The following GPC5 variants were observed in gnomAD, a reference collection of about 807,000 sequenced individuals.
GPC5 encodes glypican 5, also known as glypican-5.
A neutral mutation model predicts 53.9 loss-of-function variants in GPC5; 47 were observed. The ratio of observed to expected loss-of-function variants is 0.87; its 90% CI spans 0.69 to 1.11. The LOEUF (loss-of-function observed/expected upper bound fraction) is 1.11. GPC5 is among the 50% of genes most tolerant of loss of function. The pLI is 0.00. For missense variants in GPC5, 748 were observed against 713.1 expected (o/e 1.05, Z -0.56); for synonymous variants, 286 against 263.3 (o/e 1.09, Z -0.84).
At chr13:92,207,798 G>A (rs1199152437) in intron 7 of GPC5, among the ~76,000 whole-genome samples, 1 of 152,146 alleles carries the variant, frequency 6.6e-6, no homozygotes, top group African/African-American at 2.4e-5. Context: ...ACTGTGAATT[G>A]GTTGTCCAAG....
intron 6 of GPC5, among the ~76,000 whole-genome samples, chr13:92,142,694 G>A (rs909145435): frequency 6.6e-5 from 10 of 152,210 alleles, no homozygotes; most frequent in African/African-American, 1.4e-4. Flanking sequence ...TTACCTGGCT[G>A]GATCCTCATA....
chr13:91,683,381 T>G (rs560761056), intron 2 of GPC5, among the ~76,000 whole-genome samples: 2 of 152,184 alleles, frequency 1.3e-5, no homozygotes, highest in Non-Finnish European at 2.9e-5. Flanking sequence ...GAAGGCATAC[T>G]TTTCTGTTAT....
intron 5 of GPC5, among the ~76,000 whole-genome samples, chr13:91,897,223 T>G (rs780006279): frequency 6.6e-6 from 1 of 152,126 alleles, no homozygotes; most frequent in Non-Finnish European, 1.5e-5. Context: ...ACTACAGGGT[T>G]GTTTTCATTA....
intron 6 of GPC5, among the ~76,000 whole-genome samples, chr13:91,929,206 C>G (rs1409808020): frequency 6.6e-6 from 1 of 151,988 alleles, no homozygotes; most frequent in African/African-American, 2.4e-5. Flanking sequence ...GTACATATTT[C>G]TAAAACATTC....
chr13:92,116,985 G>C (rs992877134), intron 6 of GPC5, among the ~76,000 whole-genome samples: 1 of 151,994 alleles, frequency 6.6e-6, no homozygotes, highest in African/African-American at 2.4e-5. Flanking sequence ...TCTAGTTTAT[G>C]GGTTGTCTAT....
chr13:92,710,161 A>G (rs978360286), intron 7 of GPC5, among the ~76,000 whole-genome samples: 2 of 152,188 alleles, frequency 1.3e-5, no homozygotes, highest in Admixed American at 6.5e-5. Context: ...ACATAATCCT[A>G]TCATAGTTAT....
chr13:91,462,090 G>A lies in GPC5; in HGVS notation c.325+13168G>A, dbSNP rs555748409. 2.6e-4 allele frequency among the ~76,000 whole-genome samples: 40 copies of A among 152,204 alleles called. 1 individual carries two copies. In the South Asian group the frequency reaches 6.6e-3, roughly 25 times the overall value. On this transcript the variant is annotated intron_variant, in intron 2 of 7. Coordinates refer to ENST00000377067, the MANE Select transcript of GPC5 (RefSeq NM_004466.6). Reference sequence around the variant, plus strand: ...GACTCTCACTGTAATGGAAACCAACGTGAATACTAAAATCTAAGGTTTAAC... The same window carrying A: ...GACTCTCACTGTAATGGAAACCAACATGAATACTAAAATCTAAGGTTTAAC...
chr13:92,415,676 TAAA>T (rs34520808), intron 7 of GPC5, among the ~76,000 whole-genome samples: 5 of 143,468 alleles, frequency 3.5e-5, no homozygotes, highest in Admixed American at 7.0e-5. Flanking sequence ...CAGCTGGAGG[TAAA>T]AAAAAAAAAA....
intron 7 of GPC5, among the ~76,000 whole-genome samples, chr13:92,754,459 G>A (rs566980341): frequency 2.8e-4 from 43 of 151,956 alleles, no homozygotes; most frequent in African/African-American, 1.0e-3. Flanking sequence ...ATAATGACAG[G>A]ATCAAATTCA....
At chr13:91,510,385 A>G (rs1885172659) in intron 2 of GPC5, among the ~76,000 whole-genome samples, 5 of 152,178 alleles carry the variant, frequency 3.3e-5, no homozygotes, top group Admixed American at 3.3e-4. Flanking sequence ...TTGCCCCAAG[A>G]TATCCAGCTG....
chr13:91,545,175 T>A (rs2030208629), intron 2 of GPC5, among the ~76,000 whole-genome samples: 1 of 152,230 alleles, frequency 6.6e-6, no homozygotes, highest in African/African-American at 2.4e-5. Flanking sequence ...TGGCAGAGGA[T>A]TAGTCTCTAC....
In GPC5 at chr13:92,309,227, G is replaced by A. The variant is rs770641577; in HGVS notation, c.1561+164238G>A. Among the ~76,000 whole-genome samples the A allele has an allele frequency of 1.2e-4, 18 of 152,104 alleles. No individual in the cohort carries two copies. The East Asian group carries it at 1.5e-3, about 13-fold the overall frequency. ...CTGATTGTAAGAGCTGTGGTATACC[G>A]CAATGATTGAGGAAGCAAAATACAC... On this transcript the variant is annotated intron_variant, in intron 7 of 7. Coordinates refer to ENST00000377067, the MANE Select transcript of GPC5 (RefSeq NM_004466.6).
chr13:91,593,123 G>T (rs375155881), intron 2 of GPC5, among the ~76,000 whole-genome samples: 12 of 152,302 alleles, frequency 7.9e-5, no homozygotes, highest in East Asian at 5.8e-4. Flanking sequence ...GGATCCCAGA[G>T]GTTCATCGCA....
At position 92,263,476 on chromosome 13, in the gene GPC5, C is replaced by A. The variant is rs140775204; in HGVS notation, c.1561+118487C>A. 4.6e-5 allele frequency among the ~76,000 whole-genome samples: 7 copies of A among 152,174 alleles called. No individual in the cohort carries two copies. In the East Asian group the frequency reaches 1.4e-3, roughly 29 times the overall value. ...TTGTATCACTTTTCCTCTCTTGTTTCTATTTTTTAAGAAGAAAGATTCTGC... is the reference window on the plus strand; with the variant it reads ...TTGTATCACTTTTCCTCTCTTGTTTATATTTTTTAAGAAGAAAGATTCTGC... On this transcript the variant is annotated intron_variant, in intron 7 of 7. Coordinates refer to ENST00000377067, the MANE Select transcript of GPC5 (RefSeq NM_004466.6).
chr13:92,595,625 G>T (rs371396415), intron 7 of GPC5, among the ~76,000 whole-genome samples: 1 of 151,280 alleles, frequency 6.6e-6, no homozygotes. Context: ...AAAATTAGCC[G>T]GGCGTGGTGG....
intron 2 of GPC5, among the ~76,000 whole-genome samples, chr13:91,670,740 G>A (rs560615778): frequency 1.6e-4 from 25 of 152,242 alleles, no homozygotes; most frequent in Non-Finnish European, 3.5e-4. Flanking sequence ...TTTAACAGAG[G>A]AATGTGAAAT....
At chr13:92,281,643 G>C (rs898987618) in intron 7 of GPC5, among the ~76,000 whole-genome samples, 2 of 152,206 alleles carry the variant, frequency 1.3e-5, no homozygotes, top group Non-Finnish European at 2.9e-5. Flanking sequence ...ACAGGGTCTG[G>C]AGTGGACCTC....
chr13:92,469,105 A>G (rs1025812993), intron 7 of GPC5, among the ~76,000 whole-genome samples: 1 of 152,180 alleles, frequency 6.6e-6, no homozygotes, highest in Admixed American at 6.6e-5. Flanking sequence ...AGATACATGT[A>G]TAGAATAAAT....
At chr13:91,784,120 A>G (rs2037840744) in intron 5 of GPC5, among the ~76,000 whole-genome samples, 1 of 152,210 alleles carries the variant, frequency 6.6e-6, no homozygotes, top group South Asian at 2.1e-4. Flanking sequence ...GGTGAGGAAC[A>G]TGTACTGCCA....
Sources: allele counts gnomAD v4.1 joint callset (sites outside exome capture counted in the v4.1 genomes callset), GRCh38; gene constraint gnomAD v4.1.1; transcripts MANE v1.5; gene names NCBI Gene and HGNC (gene_info 2026-07-23, HGNC 2026-07-21).